Variants in TRIM24 observed in about 807,000 individuals in gnomAD.
TRIM24 encodes transcription intermediary factor 1-alpha.
A neutral mutation model predicts 123.9 loss-of-function variants in TRIM24; 29 were observed. The ratio of observed to expected loss-of-function variants is 0.23; its 90% CI spans 0.17 to 0.32. TRIM24 has a LOEUF of 0.32. TRIM24 is among the 10% of genes least tolerant of loss of function. The pLI is 1.00. For synonymous variants in TRIM24, 456 were observed against 461.1 expected (o/e 0.99, Z 0.14); for missense variants, 932 against 1,295.3 (o/e 0.72, Z 4.31).
chr7:138,462,074 A>G (rs1404219112), intron 1 of TRIM24, among the ~76,000 whole-genome samples: 1 of 152,162 alleles, frequency 6.6e-6, no homozygotes, highest in Non-Finnish European at 1.5e-5. Context: ...TTTCACGGAT[A>G]TTATCTAAAG....
intron 9 of TRIM24, chr7:138,556,156 A>C (rs1296049472): frequency 1.3e-5 from 2 of 152,176 alleles, no homozygotes; most frequent in African/African-American, 2.4e-5. Context: ...TCAATTCATA[A>C]AATTTTCATA....
At chr7:138,516,962 C>A (rs527419840) in intron 3 of TRIM24, among the ~76,000 whole-genome samples, 1 of 151,594 alleles carries the variant, frequency 6.6e-6, no homozygotes, top group Non-Finnish European at 1.5e-5. Flanking sequence ...ATTAGCTGGG[C>A]GTGATAGTTA....
intron 3 of TRIM24, among the ~76,000 whole-genome samples, chr7:138,517,747 C>T (rs910194514): frequency 2.0e-5 from 3 of 151,898 alleles, no homozygotes; most frequent in African/African-American, 7.3e-5. Flanking sequence ...TCGTTGGGGA[C>T]TGATTTGTGC....
At chr7:138,530,740 T>C (rs1462919757) in intron 6 of TRIM24, among the ~76,000 whole-genome samples, 2 of 151,906 alleles carry the variant, frequency 1.3e-5, no homozygotes, top group Non-Finnish European at 2.9e-5. Context: ...AGTACTGAGA[T>C]TACAGGTATG....
rs567537661 is a variant in TRIM24, at chr7:138,531,778, T to C, written c.996+2548T>C. On this transcript the variant is annotated intron_variant, in intron 6 of 18. Coordinates refer to ENST00000343526, the MANE Select transcript of TRIM24 (RefSeq NM_015905.3). ...AAATGGTATTTCTAGTTCTAGATCC[T>C]TGAGGAATCGCCACGCTGTCTTCCA... Among the ~76,000 whole-genome samples the C allele has an allele frequency of 9.2e-5, 14 of 152,324 alleles. No individual in the cohort carries two copies. In the South Asian group the frequency reaches 2.7e-3, roughly 29 times the overall value.
At chr7:138,571,997 C>T (rs1038027957) in intron 11 of TRIM24, among the ~76,000 whole-genome samples, 6 of 152,112 alleles carry the variant, frequency 3.9e-5, no homozygotes, top group Non-Finnish European at 5.9e-5. Flanking sequence ...CATATACATA[C>T]GCACCTAATG....
chr7:138,471,313 C>T (rs1441761808), intron 1 of TRIM24, among the ~76,000 whole-genome samples: 2 of 152,104 alleles, frequency 1.3e-5, no homozygotes, highest in Non-Finnish European at 2.9e-5. Flanking sequence ...AGTATATGTA[C>T]AGTACATGTT....
At chr7:138,512,967 G>A (rs1369591809) in intron 2 of TRIM24, among the ~76,000 whole-genome samples, 1 of 152,152 alleles carries the variant, frequency 6.6e-6, no homozygotes, top group African/African-American at 2.4e-5. Flanking sequence ...TAGGAGCATA[G>A]GTTGTTAGAA....
chr7:138,532,297 A>G (rs545189779), intron 6 of TRIM24, among the ~76,000 whole-genome samples: 5 of 152,056 alleles, frequency 3.3e-5, no homozygotes, highest in Non-Finnish European at 5.9e-5. Context: ...GCCCATGCCT[A>G]TTTCCTGAAT....
rs1363485830 is a variant in TRIM24, at chr7:138,577,594, T to C, written c.2256+6T>C. On this transcript the variant is annotated splice_donor_region_variant and intron_variant, in intron 14 of 18. Coordinates refer to ENST00000343526, the MANE Select transcript of TRIM24 (RefSeq NM_015905.3). ...AAGAATCTAGGCCTCAAAATGTAATTATGAATGCTTGCAATGCTATTCCTA... is the reference window on the plus strand; with the variant it reads ...AAGAATCTAGGCCTCAAAATGTAATCATGAATGCTTGCAATGCTATTCCTA... 3 of 1,596,620 alleles carry C rather than the reference T, an allele frequency of 1.9e-6. No individual in the cohort carries two copies. Among genetic ancestry groups the C allele is most frequent in the Non-Finnish European group, 2.6e-6 (3 of 1,172,330 alleles).
At chr7:138,515,015 T>C (rs1232374744) in intron 2 of TRIM24, among the ~76,000 whole-genome samples, 197 bp from the exon 3 acceptor site, 1 of 152,198 alleles carries the variant, frequency 6.6e-6, no homozygotes. Context: ...AAAATATACT[T>C]ATATTCTTGT....
At chr7:138,483,696 G>T (rs781564869) in intron 1 of TRIM24, among the ~76,000 whole-genome samples, 1 of 152,186 alleles carries the variant, frequency 6.6e-6, no homozygotes, top group Non-Finnish European at 1.5e-5. Flanking sequence ...TACATTGCCA[G>T]GCAGGGCCAC....
chr7:138,536,243 G>C (rs1482834709), intron 6 of TRIM24, among the ~76,000 whole-genome samples: 1 of 152,172 alleles, frequency 6.6e-6, no homozygotes, highest in African/African-American at 2.4e-5. Context: ...GTCCAGCTTT[G>C]TTCCGTTGCT....
chr7:138,530,626 C>T (rs1796711196), intron 6 of TRIM24, among the ~76,000 whole-genome samples: 1 of 151,792 alleles, frequency 6.6e-6, no homozygotes, highest in African/African-American at 2.4e-5. Flanking sequence ...GCCACCATGC[C>T]TGGCTAATAT....
In TRIM24 at chr7:138,548,417, C is replaced by CA. The variant is rs112568313; in HGVS notation, c.1144-2633dup. 6.2e-3 allele frequency among the ~76,000 whole-genome samples: 794 copies of CA among 127,158 alleles called. 2 individuals are homozygous for CA. The highest frequency in any genetic ancestry group is 0.014 in the East Asian group (62 of 4,410). 83.4% of individuals were successfully genotyped at this position (127,158 alleles called of 152,430 possible). On this transcript the variant is annotated intron_variant, in intron 7 of 18. Coordinates refer to ENST00000343526, the MANE Select transcript of TRIM24 (RefSeq NM_015905.3). The stretch of plus-strand genomic sequence containing the variant: ...CCAGCCTGGGTGACAGAGTGAGAGT[C>CA]AAAAAAAAAAAAACAGTATACCTGT...
At chr7:138,489,746 G>T (rs1161294243) in intron 1 of TRIM24, among the ~76,000 whole-genome samples, 1 of 152,162 alleles carries the variant, frequency 6.6e-6, no homozygotes, top group Non-Finnish European at 1.5e-5. Flanking sequence ...CCCTTTGTGG[G>T]TAGGTAACCT....
chr7:138,481,259 A>AT (rs140685685), intron 1 of TRIM24, among the ~76,000 whole-genome samples: 5,350 of 150,868 alleles, frequency 0.035, 133 homozygotes, highest in Admixed American at 0.056. Flanking sequence ...CCAAGTTATT[A>AT]TTTTTTTTAT....
chr7:138,486,025 C>G (rs934353452), intron 1 of TRIM24, among the ~76,000 whole-genome samples: 6 of 152,168 alleles, frequency 3.9e-5, no homozygotes, highest in South Asian at 2.1e-4. Context: ...TTTTAATGAT[C>G]GCCATTCTAA....
At chr7:138,487,653 A>G (rs963617514) in intron 1 of TRIM24, among the ~76,000 whole-genome samples, 1 of 152,174 alleles carries the variant, frequency 6.6e-6, no homozygotes, top group African/African-American at 2.4e-5. Context: ...ACGTTTCTCA[A>G]TATGCATATG....
Sources: allele counts gnomAD v4.1 joint callset (sites outside exome capture counted in the v4.1 genomes callset), GRCh38; gene constraint gnomAD v4.1.1; transcripts MANE v1.5; gene names NCBI Gene and HGNC (gene_info 2026-07-23, HGNC 2026-07-21).